The following PTK2 variants were observed in gnomAD, a reference collection of about 807,000 sequenced individuals.
PTK2 encodes the protein focal adhesion kinase 1.
PTK2 carries 45 observed loss-of-function variants against 150.1 expected under a neutral mutation model. That is an observed-to-expected ratio of 0.30 (90% CI 0.24 to 0.38). The LOEUF (loss-of-function observed/expected upper bound fraction) is 0.38. Among genes scored for constraint, PTK2 ranks in the 10% least tolerant of loss-of-function variants. The pLI is 1.00. For missense variants in PTK2, 919 were observed against 1,307.3 expected, an observed-to-expected ratio of 0.70 and a Z score of 4.58; for synonymous variants, 432 against 449.2, an observed-to-expected ratio of 0.96 and a Z score of 0.48.
rs552145279 is a variant in PTK2, at chr8:140,962,786, A to G, written c.-121-37037T>C. 4.3e-4 allele frequency among the ~76,000 whole-genome samples: 65 copies of G among 151,800 alleles called. 1 individual carries two copies. In the South Asian group the frequency reaches 0.013, roughly 31 times the overall value. On this transcript the variant is annotated intron_variant, in intron 1 of 31. Transcript: ENST00000522684. ...ACAGAGCGAGACTCCCTCAAAAAAA[A>G]AAACCACAGAATGTCCACCCTCCTT...
rs35149796 is a variant in PTK2 at position 140,937,585 on chromosome 8, TAA to T, written c.-121-11838_-121-11837del. Among the ~76,000 whole-genome samples, 664 of 130,166 alleles carry T rather than the reference TAA, an allele frequency of 5.1e-3. 4 individuals are homozygous for T. Among genetic ancestry groups the T allele is most frequent in the African/African-American group, 0.018 (616 of 34,334 alleles). The allele number at this position is 130,166 out of a possible 152,430, so 85.4% of individuals were successfully genotyped here. A position where few individuals can be genotyped will look rare whatever the true frequency, so the allele number is the denominator to read the frequency against. ...TCAAATGCCATCTTTAAGTAAACAATAAAAAAAAAAAAAACACAAAAAAACAA... is the reference window on the plus strand; with the variant it reads ...TCAAATGCCATCTTTAAGTAAACAATAAAAAAAAAAAACACAAAAAAACAA... On this transcript the variant is annotated intron_variant, in intron 1 of 31. Transcript: ENST00000522684.
intron 5 of PTK2, among the ~76,000 whole-genome samples, chr8:140,859,412 C>T (rs7001846): frequency 0.96 from 146,516 of 152,232 alleles, 70,682 homozygotes; most frequent in Non-Finnish European, 1. Flanking sequence ...AAAGAATAAA[C>T]ATATATCAGA....
intron 20 of PTK2, among the ~76,000 whole-genome samples, chr8:140,740,556 ATAG>A (rs1396169495): frequency 1.3e-5 from 2 of 152,178 alleles, no homozygotes; most frequent in Non-Finnish European, 2.9e-5. Context: ...ACTTATTTCT[ATAG>A]CCTAATGGAA....
intron 14 of PTK2, among the ~76,000 whole-genome samples, chr8:140,769,199 C>T (rs975910473): frequency 7.9e-5 from 12 of 152,274 alleles, no homozygotes; most frequent in African/African-American, 2.9e-4. Context: ...CTATCTCATT[C>T]CCAAACTAAG....
intron 1 of PTK2, among the ~76,000 whole-genome samples, chr8:140,945,146 A>G (rs1459583158): frequency 6.6e-6 from 1 of 152,256 alleles, no homozygotes; most frequent in Non-Finnish European, 1.5e-5. Flanking sequence ...TGGCTTGGAT[A>G]GTTAGATGCC....
chr8:140,686,803 A>G (rs2100020170), intron 26 of PTK2, 109 bp from the exon 30 acceptor site: 1 of 949,052 alleles, frequency 1.1e-6, no homozygotes, highest in African/African-American at 1.7e-5. Flanking sequence ...TCTGAATAAG[A>G]AGAGTTGAAA....
At chr8:140,959,096 T>C (rs1388045602) in intron 1 of PTK2, among the ~76,000 whole-genome samples, 2 of 152,104 alleles carry the variant, frequency 1.3e-5, no homozygotes, top group African/African-American at 2.4e-5. Flanking sequence ...AAGCTAATCC[T>C]AATGTTTAAA....
At chr8:140,769,732 A>AC (rs1194531307) in intron 14 of PTK2, 140 bp from the exon 16 acceptor site, 24 of 386,376 alleles carry the variant, frequency 6.2e-5, no homozygotes, top group Non-Finnish European at 9.1e-5. Context: ...AAAAACAATT[A>AC]CCCCCCAGGG....
chr8:140,694,786 C>T (rs1368866555), intron 26 of PTK2, among the ~76,000 whole-genome samples: 1 of 152,262 alleles, frequency 6.6e-6, no homozygotes, highest in East Asian at 1.9e-4. Context: ...ATATAATTAC[C>T]ATTGTTAGAG....
intron 5 of PTK2, among the ~76,000 whole-genome samples, chr8:140,848,693 AAAT>A (rs2100127202): frequency 6.6e-6 from 1 of 152,166 alleles, no homozygotes; most frequent in Non-Finnish European, 1.5e-5. Flanking sequence ...ACAAAACAAA[AAAT>A]AAGTCTCAAT....
intron 4 of PTK2, among the ~76,000 whole-genome samples, chr8:140,873,728 A>G (rs2100143945): frequency 6.6e-6 from 1 of 152,320 alleles, no homozygotes; most frequent in East Asian, 1.9e-4. Flanking sequence ...GGCCTCCAAA[A>G]GTGCTGGGAT....
At chr8:141,000,028 AAAG>A (rs1366066424) in intron 1 of PTK2, among the ~76,000 whole-genome samples, 1 of 150,978 alleles carries the variant, frequency 6.6e-6, no homozygotes, top group Non-Finnish European at 1.5e-5. Context: ...AAAAAAAAAA[AAAG>A]AAACTTTACC....
chr8:140,820,232 C>G (rs748995160), intron 8 of PTK2, among the ~76,000 whole-genome samples: 1 of 151,120 alleles, frequency 6.6e-6, no homozygotes, highest in Non-Finnish European at 1.5e-5. Context: ...CCCTGAGTAG[C>G]TGGGATTACA....
chr8:140,876,433 A>G (rs528534771), intron 4 of PTK2, among the ~76,000 whole-genome samples: 2 of 152,080 alleles, frequency 1.3e-5, no homozygotes. Flanking sequence ...AAAAGTCTGA[A>G]TTTTTCTCTG....
rs1262441283 is a variant in PTK2, at chr8:140,763,563, G to A, written c.1234+671C>T. On this transcript the variant is annotated intron_variant, in intron 15 of 31. Transcript: ENST00000522684. ...CAAGAGTTTATCTAATTCAAGATCT[G>A]GAGACTATACACTCCAACATGAGAC... 7.2e-5 allele frequency among the ~76,000 whole-genome samples: 11 copies of A among 151,896 alleles called. No homozygotes were observed. In the East Asian group the frequency reaches 1.7e-3, roughly 24 times the overall value.
At chr8:140,822,350 T>TCA (rs10635359) in intron 8 of PTK2, 76,536 of 149,290 alleles carry the variant, frequency 0.51, 19,760 homozygotes, top group East Asian at 0.63. Flanking sequence ...AGGCGCTGAT[T>TCA]CACACACACA....
intron 13 of PTK2, among the ~76,000 whole-genome samples, chr8:140,793,043 T>C (rs1392586593): frequency 2.0e-5 from 3 of 152,226 alleles, no homozygotes; most frequent in Non-Finnish European, 4.4e-5. Context: ...ATAGCCAGAA[T>C]GCCACATATT....
At chr8:140,901,752 CAT>C (rs2154607706) in intron 2 of PTK2, among the ~76,000 whole-genome samples, 1 of 151,754 alleles carries the variant, frequency 6.6e-6, no homozygotes, top group African/African-American at 2.4e-5. Context: ...TTGCTGCACC[CAT>C]CAACCCGTCA....
chr8:140,812,767 A>C (rs1472522811), intron 10 of PTK2, among the ~76,000 whole-genome samples: 1 of 152,218 alleles, frequency 6.6e-6, no homozygotes, highest in Non-Finnish European at 1.5e-5. Context: ...AAACCAACTC[A>C]GTTAAAAAAG....
Sources: allele counts gnomAD v4.1 joint callset (sites outside exome capture counted in the v4.1 genomes callset), GRCh38; gene constraint gnomAD v4.1.1; transcripts MANE v1.5; gene names NCBI Gene and HGNC (gene_info 2026-07-23, HGNC 2026-07-21).